The following LINGO2 variants were observed in gnomAD, a reference collection of about 807,000 sequenced individuals.
The protein encoded by LINGO2 is leucine rich repeat and Ig domain containing 2.
In LINGO2, 14 loss-of-function variants were observed where a neutral mutation model predicts 30.6. The observed-to-expected ratio is 0.46, with a 90% CI of 0.30 to 0.72. The LOEUF is 0.72. Ranked by LOEUF, LINGO2 falls within the 30% of genes least tolerant of loss-of-function variation. The pLI is 0.07. For missense variants in LINGO2, 729 were observed against 751.7 expected (o/e 0.97, Z 0.35); for synonymous variants, 317 against 288.5 (o/e 1.10, Z -1.00).
At chr9:28,755,002 A>C in the LINGO2 span, among the ~76,000 whole-genome samples, 2 of 152,096 alleles carry the variant, frequency 1.3e-5, no homozygotes, top group South Asian at 4.1e-4. Flanking sequence ...AGATTCTATA[A>C]TATTAAATTA....
chr9:28,183,407 G>A (rs934586098), intron 4 of LINGO2, among the ~76,000 whole-genome samples: 5 of 151,158 alleles, frequency 3.3e-5, no homozygotes, highest in South Asian at 2.1e-4. Context: ...CATTATGCAC[G>A]TTTCCCAGAA....
At chr9:28,570,333 T>C (rs542729763) in intron 1 of LINGO2, among the ~76,000 whole-genome samples, 40 of 152,070 alleles carry the variant, frequency 2.6e-4, no homozygotes, top group Admixed American at 2.0e-3. Flanking sequence ...TTCTCAAATA[T>C]ATTAATAAAG....
intron 1 of LINGO2, among the ~76,000 whole-genome samples, chr9:28,629,266 C>T (rs1171421621): frequency 6.6e-6 from 1 of 151,990 alleles, no homozygotes; most frequent in African/African-American, 2.4e-5. Flanking sequence ...TAGATGGGAG[C>T]CACTGGACAA....
the LINGO2 span, among the ~76,000 whole-genome samples, chr9:28,772,355 C>A: frequency 2.0e-5 from 3 of 152,256 alleles, no homozygotes; most frequent in Admixed American, 2.0e-4. Context: ...TTCTCTCTGT[C>A]ATCTTTACTA....
chr9:28,379,673 C>A (rs529636494), intron 2 of LINGO2, among the ~76,000 whole-genome samples: 23 of 152,144 alleles, frequency 1.5e-4, no homozygotes, highest in African/African-American at 5.5e-4. Context: ...TATTATTATA[C>A]CTGTAGTATA....
At chr9:27,960,842 T>C (rs1211419208) in intron 5 of LINGO2, among the ~76,000 whole-genome samples, 2 of 152,142 alleles carry the variant, frequency 1.3e-5, no homozygotes, top group Admixed American at 6.6e-5. Context: ...TTTTTGTTCC[T>C]GTCTTTTTCA....
chr9:28,440,387 G>C (rs373757728), intron 2 of LINGO2, among the ~76,000 whole-genome samples: 1 of 152,032 alleles, frequency 6.6e-6, no homozygotes, highest in South Asian at 2.1e-4. Context: ...TTTATAAAAC[G>C]TTCACTTCCG....
At chr9:27,972,283 G>A (rs992065900) in intron 5 of LINGO2, among the ~76,000 whole-genome samples, 2 of 152,164 alleles carry the variant, frequency 1.3e-5, no homozygotes, top group Non-Finnish European at 2.9e-5. Flanking sequence ...GTAACTGAAA[G>A]CTGATTACTG....
intron 3 of LINGO2, among the ~76,000 whole-genome samples, chr9:28,307,747 T>C (rs922183673): frequency 2.6e-5 from 4 of 152,130 alleles, no homozygotes; most frequent in African/African-American, 9.7e-5. Flanking sequence ...GGATACAAAA[T>C]CAATGTACAA....
At chr9:29,107,056 A>G in the LINGO2 span, among the ~76,000 whole-genome samples, 1 of 152,334 alleles carries the variant, frequency 6.6e-6, no homozygotes, top group East Asian at 1.9e-4. Context: ...ATTTCACAGT[A>G]TAAAATGCTC....
chr9:28,810,653 C>T, the LINGO2 span, among the ~76,000 whole-genome samples: 40 of 152,224 alleles, frequency 2.6e-4, 1 homozygote, highest in South Asian at 7.7e-3. Context: ...ACTGGCTTCA[C>T]CTTCTCACCA....
intron 1 of LINGO2, among the ~76,000 whole-genome samples, chr9:28,624,087 T>G (rs1826539196): frequency 6.6e-6 from 1 of 152,148 alleles, no homozygotes; most frequent in South Asian, 2.1e-4. Context: ...AGTCTTTAGA[T>G]TTTTCTAAAT....
rs141130369 is a variant in LINGO2, at chr9:28,071,809, G to C, written c.-86-59404C>G. Among the ~76,000 whole-genome samples the C allele has an allele frequency of 2.3e-3, 347 of 152,070 alleles. 1 individual carries two copies. The highest frequency in any genetic ancestry group is 0.013 in the South Asian group (64 of 4,808). On this transcript the variant is annotated intron_variant, in intron 4 of 5. Transcript: ENST00000379992. ...CATTCTAACAATAAATATAGATGTAGATATAAAATATTGATATAAAATATA... is the reference window on the plus strand; with the variant it reads ...CATTCTAACAATAAATATAGATGTACATATAAAATATTGATATAAAATATA...
chr9:29,050,895 T>C, the LINGO2 span, among the ~76,000 whole-genome samples: 1 of 152,278 alleles, frequency 6.6e-6, no homozygotes, highest in South Asian at 2.1e-4. Flanking sequence ...AAGTTAATGG[T>C]TCCAGCCAAT....
the LINGO2 span, among the ~76,000 whole-genome samples, chr9:29,077,514 T>C: frequency 6.6e-6 from 1 of 152,162 alleles, no homozygotes; most frequent in Admixed American, 6.6e-5. Context: ...TATTAAACAT[T>C]CAACGAATAT....
the LINGO2 span, among the ~76,000 whole-genome samples, chr9:28,821,271 G>A: frequency 1.3e-5 from 2 of 152,206 alleles, no homozygotes; most frequent in African/African-American, 2.4e-5. Context: ...TGTTGCTTCT[G>A]TGAAAGCCTG....
the LINGO2 span, among the ~76,000 whole-genome samples, chr9:28,721,662 G>A: frequency 1.4e-4 from 22 of 152,186 alleles, 1 homozygote; most frequent in East Asian, 3.5e-3. Flanking sequence ...TCTGTTGGGG[G>A]ATGGGGAGAA....
the LINGO2 span, among the ~76,000 whole-genome samples, chr9:28,849,777 C>T: frequency 2.6e-5 from 4 of 152,020 alleles, no homozygotes; most frequent in African/African-American, 9.7e-5. Context: ...CAGCTCTCAG[C>T]TTAGATCACA....
intron 3 of LINGO2, among the ~76,000 whole-genome samples, chr9:28,323,557 G>A (rs117657864): frequency 0.043 from 6,521 of 152,184 alleles, 201 homozygotes; most frequent in Admixed American, 0.098. Flanking sequence ...CTGAGATCAC[G>A]TCATTGCACT....
Sources: gnomAD v4.1 joint callset for allele counts (sites outside exome capture counted in the v4.1 genomes callset) on GRCh38, gnomAD v4.1.1 for gene constraint, MANE v1.5 for transcripts, NCBI Gene and HGNC (gene_info 2026-07-23, HGNC 2026-07-21) for gene names.